The following PPP1R15A variants were observed in gnomAD, a reference collection of about 807,000 sequenced individuals.
PPP1R15A encodes the protein growth arrest and DNA damage-inducible protein GADD34.
PPP1R15A carries 43 observed loss-of-function variants against 48.5 expected under a neutral mutation model. The ratio of observed to expected loss-of-function variants is 0.89; its 90% CI spans 0.69 to 1.14. The LOEUF is 1.14. PPP1R15A is among the 50% of genes most tolerant of loss of function. The pLI is 0.00. For synonymous variants in PPP1R15A, 327 were observed against 327.4 expected (o/e 1.00, Z 0.01); for missense variants, 868 against 847.2 (o/e 1.02, Z -0.30).
chr19:48,874,856 T>G lies in PPP1R15A; in HGVS notation c.1623T>G (p.Pro541=). 1 of 1,607,260 alleles carries G rather than the reference T, an allele frequency of 6.2e-7. No individual in the cohort carries two copies. The highest frequency in any genetic ancestry group is 2.2e-5 in the East Asian group (1 of 44,810). ...GGCGGCTCAAGCGCCCAGAAACCCC[T>G]ACTCATGATCCGGACCCTGAGACTC... ...LQRRLKRPET[P]THDPDPETPL... is the part of the protein sequence containing the mutation. Residue 541 remains proline (P), a synonymous_variant, in exon 2 of 3, where the codon CCT becomes CCG. Transcript: ENST00000200453.
chr19:48,875,535 C>T, intron 2 of PPP1R15A, 79 bp from the exon 3 acceptor site: 6 of 1,487,032 alleles, frequency 4.0e-6, no homozygotes, highest in Non-Finnish European at 5.4e-6. Flanking sequence ...TTGCTTCTCT[C>T]TCTCTCTTCC....
At chr19:48,875,582 T>C (rs763974981) in intron 2 of PPP1R15A, 32 bp from the exon 3 acceptor site, 2 of 1,556,626 alleles carry the variant, frequency 1.3e-6, no homozygotes, top group Non-Finnish European at 1.7e-6. Flanking sequence ...GCTGTGTGCA[T>C]CTCCTGCCTG....
Position 48,874,524 on chromosome 19 carries a change from G to T in PPP1R15A, c.1291G>T (p.Ala431Ser), listed in dbSNP as rs140853052. The T allele has an allele frequency of 1.3e-4, 217 of 1,613,986 alleles. No individual in the cohort carries two copies. Among genetic ancestry groups the T allele is most frequent in the African/African-American group, 6.8e-4 (51 of 74,984 alleles). ...STPPASAFLK[A>S]WVYRPGEDTE... ...ACCCCCTGCAAGTGCTTTCTTGAAG[G>T]CCTGGGTGTATCGGCCAGGAGAGGA... The change falls in exon 2 of 3, where the codon GCC becomes TCC. Residue 431 changes from alanine to serine, a missense_variant. Physicochemically the swap from Ala to Ser is moderately conservative, Grantham distance 99. Transcript: ENST00000200453.
intron 1 of PPP1R15A, among the ~76,000 whole-genome samples, 151 bp downstream of exon 1, chr19:48,872,802 A>G (rs2037024012): frequency 6.6e-6 from 1 of 152,080 alleles, no homozygotes; most frequent in Non-Finnish European, 1.5e-5. Context: ...ATCATCTGCC[A>G]AGTAGGGGGT....
rs764798313 is a variant in PPP1R15A, at chr19:48,874,228, TC to T, written c.1001del (p.Pro334HisfsTer6). On this transcript the variant is annotated frameshift_variant, in exon 2 of 3. Coordinates refer to ENST00000200453, the MANE Select transcript of PPP1R15A (RefSeq NM_014330.5). LOFTEE classifies it high-confidence loss of function. ...GGAGAAGCTGAGTGTCCTCCCTGCA[TC>T]CCCCCACCAAGTGCCTTCCTGAAGG... ...KDGEAECPPC[I>X]PPPSAFLKAW... 4 of 1,613,580 alleles carry T rather than the reference TC, an allele frequency of 2.5e-6. No homozygotes were observed. Among genetic ancestry groups the T allele is most frequent in the Non-Finnish European group, 8.5e-7 (1 of 1,179,896 alleles).
At position 48,874,680 on chromosome 19, in the gene PPP1R15A, G is replaced by A. The variant is rs767948478; in HGVS notation, c.1447G>A (p.Gly483Arg). 177 of 1,613,706 alleles carry A rather than the reference G, an allele frequency of 1.1e-4. No individual in the cohort carries two copies. The South Asian group carries it at 1.9e-3, about 17-fold the overall frequency. Residue 483 changes from glycine to arginine, a missense_variant, in exon 2 of 3, where the codon GGA (glycine) becomes AGA (arginine). By Grantham distance (125) the Gly-to-Arg change is moderately radical (BLOSUM62 -2). Coordinates refer to ENST00000200453, the MANE Select transcript of PPP1R15A (RefSeq NM_014330.5). ...PDQRAHFRGW[G>R]YRPGKETEEE... ...CCAGAGGGCCCACTTCAGGGGCTGGGGATATCGACCTGGAAAAGAGACAGA... is the reference window on the plus strand; with the variant it reads ...CCAGAGGGCCCACTTCAGGGGCTGGAGATATCGACCTGGAAAAGAGACAGA...
At chr19:48,875,334 C>T (rs566823726) in intron 2 of PPP1R15A, 14 of 513,320 alleles carry the variant, frequency 2.7e-5, no homozygotes, top group African/African-American at 2.7e-4. Context: ...ATGGAGAAGG[C>T]TGTGTACGCT....
rs529573826 is a variant in PPP1R15A at position 48,872,440 on chromosome 19, C to G, written c.-221C>G. Reference sequence around the variant, plus strand: ...TTCGTTGCTCTTATCGGTTCCCATCCCAGTTGTTGATCTTATGCAAGACGC... The same window carrying G: ...TTCGTTGCTCTTATCGGTTCCCATCGCAGTTGTTGATCTTATGCAAGACGC... On this transcript the variant is annotated 5_prime_UTR_variant, in exon 1 of 3. Transcript: ENST00000200453. 400 of 456,516 alleles carry G rather than the reference C, an allele frequency of 8.8e-4. 3 individuals are homozygous for G. Among genetic ancestry groups the G allele is most frequent in the African/African-American group, 7.0e-3 (350 of 50,182 alleles). The allele number at this position is 456,516 out of a possible 1,614,324, so 28.3% of individuals were successfully genotyped here. A position where few individuals can be genotyped will look rare whatever the true frequency, so the allele number is the denominator to read the frequency against.
In PPP1R15A at chr19:48,873,116, C is replaced by T; in HGVS notation, c.-9-109C>T. On this transcript the variant is annotated intron_variant, in intron 1 of 2. Coordinates refer to ENST00000200453, the MANE Select transcript of PPP1R15A (RefSeq NM_014330.5). Reference sequence around the variant, plus strand: ...AAAGGAATTTGGGACTCTCGCGTTGCTATTTACAATAGTTGTGTTACTATT... The same window carrying T: ...AAAGGAATTTGGGACTCTCGCGTTGTTATTTACAATAGTTGTGTTACTATT... 2.2e-6 allele frequency: 3 copies of T among 1,373,952 alleles called. No homozygotes were observed. In the South Asian group the frequency reaches 5.9e-5, roughly 27 times the overall value. 85.1% of individuals were successfully genotyped at this position (1,373,952 alleles called of 1,614,324 possible). A position where few individuals can be genotyped will look rare whatever the true frequency, so the allele number is the denominator to read the frequency against.
rs184379585 is a variant in PPP1R15A at position 48,873,801 on chromosome 19, G to A, written c.568G>A (p.Val190Met). Residue 190 changes from valine (V) to methionine (M), a missense_variant, in exon 2 of 3, where the codon GTG becomes ATG. Transcript: ENST00000200453. ...PPSHRECCPA[V>M]EEEDDEEAVK... The stretch of plus-strand genomic sequence containing the variant: ...ATCACACCGGGAGTGTTGTCCAGCC[G>A]TGGAGGAGGAGGACGATGAAGAAGC... 9.2e-5 allele frequency: 148 copies of A among 1,614,126 alleles called. 1 individual carries two copies. Among genetic ancestry groups the A allele is most frequent in the Admixed American group, 4.2e-4 (25 of 60,004 alleles).
rs773313018 is a variant in PPP1R15A, at chr19:48,872,464, G to A, written c.-197G>A. The A allele has an allele frequency of 2.2e-6, 1 of 456,440 alleles. No homozygotes were observed. The highest frequency in any genetic ancestry group is 4.4e-6 in the Non-Finnish European group (1 of 226,772). 28.3% of individuals were successfully genotyped at this position (456,440 alleles called of 1,614,324 possible). A position where few individuals can be genotyped will look rare whatever the true frequency, so the allele number is the denominator to read the frequency against. ...CCCAGTTGTTGATCTTATGCAAGAC[G>A]CTGCACGACCCCGCGCCCGCTTGTC... is the stretch of plus-strand genomic sequence containing the variant. On this transcript the variant is annotated 5_prime_UTR_variant, in exon 1 of 3. Transcript: ENST00000200453.
rs1311861751 is a variant in PPP1R15A, at chr19:48,873,330, T to G, written c.97T>G (p.Trp33Gly). ...AGTGATGGGCCTCCTCAGCCGCGCC[T>G]GGAGCCGCCTGAGGGGCCTGGGACC... ...SPVMGLLSRA[W>G]SRLRGLGPLE... Residue 33 changes from tryptophan (W) to glycine (G), a missense_variant, in exon 2 of 3, where the codon TGG (tryptophan) becomes GGG (glycine). Transcript: ENST00000200453. The G allele has an allele frequency of 1.9e-6, 3 of 1,611,682 alleles. No individual in the cohort carries two copies. The highest frequency in any genetic ancestry group is 8.5e-7 in the Non-Finnish European group (1 of 1,179,240).
intron 1 of PPP1R15A, 100 bp downstream of exon 1, chr19:48,872,751 G>C (rs924320254): frequency 3.4e-6 from 1 of 291,264 alleles, no homozygotes; most frequent in Non-Finnish European, 7.0e-6. Context: ...CCTGAGGGAG[G>C]AGGGATCTGG....
At position 48,874,286 on chromosome 19, in the gene PPP1R15A, GGAAGAGGAA is replaced by G; in HGVS notation, c.1056_1064del (p.Glu352_Glu354del). On this transcript the variant is annotated inframe_deletion, in exon 2 of 3. Transcript: ENST00000200453. ...TGTATTGGCCAGGAGAGGACACAGAGGAAGAGGAAGATGAGGAAGAAGATGAGGACAGTG... is the reference window on the plus strand; with the variant it reads ...TGTATTGGCCAGGAGAGGACACAGAGGATGAGGAAGAAGATGAGGACAGTG... 2 of 1,614,086 alleles carry G rather than the reference GGAAGAGGAA, an allele frequency of 1.2e-6. No homozygotes were observed. The highest frequency in any genetic ancestry group is 1.7e-6 in the Non-Finnish European group (2 of 1,180,006).
intron 2 of PPP1R15A, 37 bp from the exon 3 acceptor site, chr19:48,875,577 G>A (rs774919285): frequency 6.5e-7 from 1 of 1,544,544 alleles, no homozygotes; most frequent in South Asian, 1.2e-5. Flanking sequence ...CCGTGGCTGT[G>A]TGCATCTCCT....
chr19:48,873,836 A>G lies in PPP1R15A; in HGVS notation c.603A>G (p.Lys201=). The change falls in exon 2 of 3, where the codon AAA becomes AAG. Residue 201 remains lysine (K), a synonymous_variant. Coordinates refer to ENST00000200453, the MANE Select transcript of PPP1R15A (RefSeq NM_014330.5). ...AGGACGATGAAGAAGCTGTAAAGAAAGAAGCTCACAGAACCTCTACTTCTG... is the reference window on the plus strand; with the variant it reads ...AGGACGATGAAGAAGCTGTAAAGAAGGAAGCTCACAGAACCTCTACTTCTG... ...EEEDDEEAVK[K]EAHRTSTSAL... 1.2e-6 allele frequency: 2 copies of G among 1,614,194 alleles called. No individual in the cohort carries two copies. Among genetic ancestry groups the G allele is most frequent in the Non-Finnish European group, 8.5e-7 (1 of 1,180,032 alleles).
chr19:48,874,103 C>T lies in PPP1R15A; in HGVS notation c.870C>T (p.Ser290=), dbSNP rs1158133510. 6 of 1,614,080 alleles carry T rather than the reference C, an allele frequency of 3.7e-6. No homozygotes were observed. Among genetic ancestry groups the T allele is most frequent in the Admixed American group, 1.7e-5 (1 of 60,002 alleles). Residue 290 remains serine, a synonymous_variant, in exon 2 of 3, where the codon TCC becomes TCT. Coordinates refer to ENST00000200453, the MANE Select transcript of PPP1R15A (RefSeq NM_014330.5). ...GKGEAAPGPQ[S]SAPAQRPQLK... ...GAGAAGCTGCCCCAGGGCCGCAATC[C>T]TCAGCCCCAGCCCAGAGGCCCCAGC... is the stretch of plus-strand genomic sequence containing the variant.
chr19:48,875,133 G>T, intron 2 of PPP1R15A: 1 of 450,214 alleles, frequency 2.2e-6, no homozygotes, highest in Non-Finnish European at 3.8e-6. Flanking sequence ...GTTTTGCCAT[G>T]TTGGCCAGGC....
At position 48,875,324 on chromosome 19, in the gene PPP1R15A, A is replaced by C. The variant is rs74738147; in HGVS notation, c.1666-290A>C. On this transcript the variant is annotated intron_variant, in intron 2 of 2. Coordinates refer to ENST00000200453, the MANE Select transcript of PPP1R15A (RefSeq NM_014330.5). ...TTGCAGAGGGTTGCATGTCATCTCCATGGAGAAGGCTGTGTACGCTGTCAC... is the reference window on the plus strand; with the variant it reads ...TTGCAGAGGGTTGCATGTCATCTCCCTGGAGAAGGCTGTGTACGCTGTCAC... 7.5e-3 allele frequency: 3,512 copies of C among 471,192 alleles called. 23 individuals are homozygous for C. The highest frequency in any genetic ancestry group is 0.011 in the Non-Finnish European group (2,885 of 263,918). 29.2% of individuals were successfully genotyped at this position (471,192 alleles called of 1,614,324 possible). A position where few individuals can be genotyped will look rare whatever the true frequency, so the allele number is the denominator to read the frequency against.
Sources: gnomAD v4.1 joint callset for allele counts (sites outside exome capture counted in the v4.1 genomes callset) on GRCh38, gnomAD v4.1.1 for gene constraint, MANE v1.5 for transcripts, NCBI Gene and HGNC (gene_info 2026-07-23, HGNC 2026-07-21) for gene names.